Variants in FGF12 observed in about 807,000 individuals in gnomAD.
FGF12 encodes fibroblast growth factor 12B.
FGF12 carries 14 observed loss-of-function variants against 23.6 expected under a neutral mutation model. That is an observed-to-expected ratio of 0.59 (90% CI 0.39 to 0.93). FGF12 has a LOEUF of 0.93. Among genes scored for constraint, FGF12 ranks in the 40% least tolerant of loss-of-function variants. FGF12 has a pLI of 0.00. For synonymous variants in FGF12, 62 were observed against 77.3 expected, an observed-to-expected ratio of 0.80 and a Z score of 1.04; for missense variants, 175 against 217.8, an observed-to-expected ratio of 0.80 and a Z score of 1.24.
intron 2 of FGF12, among the ~76,000 whole-genome samples, chr3:192,506,885 T>C (rs935697624): frequency 4.4e-5 from 6 of 135,370 alleles, no homozygotes; most frequent in Non-Finnish European, 9.5e-5. Flanking sequence ...TCATGGCCAT[T>C]AACTCAGTTT....
At chr3:192,436,943 T>G (rs1018714196) in intron 2 of FGF12, among the ~76,000 whole-genome samples, 10 of 152,136 alleles carry the variant, frequency 6.6e-5, no homozygotes, top group African/African-American at 1.9e-4. Context: ...CGTAAAAAAT[T>G]TCTTGAGTGC....
chr3:192,202,830 AAC>A (rs1717441498), intron 4 of FGF12, among the ~76,000 whole-genome samples: 1 of 152,208 alleles, frequency 6.6e-6, no homozygotes, highest in Admixed American at 6.5e-5. Context: ...AAAGTGCTAT[AAC>A]ACAGTGAGCA....
chr3:192,683,890 C>G (rs1412424975), intron 2 of FGF12, among the ~76,000 whole-genome samples: 1 of 152,136 alleles, frequency 6.6e-6, no homozygotes, highest in African/African-American at 2.4e-5. Context: ...CCTCCATTCC[C>G]TGCGCAATAG....
At chr3:192,363,398 C>T (rs982088164) in intron 2 of FGF12, among the ~76,000 whole-genome samples, 15 of 152,016 alleles carry the variant, frequency 9.9e-5, no homozygotes, top group African/African-American at 3.4e-4. Flanking sequence ...CTGTTGGAGC[C>T]CTGGGAATTC....
chr3:192,522,504 G>T (rs1306297647), intron 2 of FGF12, among the ~76,000 whole-genome samples: 2 of 152,104 alleles, frequency 1.3e-5, no homozygotes, highest in Non-Finnish European at 2.9e-5. Flanking sequence ...ATACATTCTT[G>T]GTAAAAGTAA....
chr3:192,576,517 C>T lies in FGF12; in HGVS notation c.13+150664G>A, dbSNP rs533326819. 2.6e-5 allele frequency among the ~76,000 whole-genome samples: 4 copies of T among 152,218 alleles called. No homozygotes were observed. In the South Asian group the frequency reaches 8.3e-4, roughly 32 times the overall value. ...TGTGACTTAAAGTAAAGAGTAATGT[C>T]TTAGAAAGGTACTGAGGGGAAATCA... On this transcript the variant is annotated intron_variant, in intron 2 of 5. Transcript: ENST00000445105.
chr3:192,370,654 G>A (rs1719187209), intron 2 of FGF12, among the ~76,000 whole-genome samples: 1 of 152,168 alleles, frequency 6.6e-6, no homozygotes, highest in Non-Finnish European at 1.5e-5. Flanking sequence ...TTAAGTCTGG[G>A]GCTAAAATTA....
intron 4 of FGF12, among the ~76,000 whole-genome samples, chr3:192,332,297 T>C (rs1195200613): frequency 6.6e-6 from 1 of 151,500 alleles, no homozygotes; most frequent in African/African-American, 2.4e-5. Context: ...TTAAAAAAAA[T>C]AAGACTAACC....
intron 2 of FGF12, among the ~76,000 whole-genome samples, chr3:192,410,682 T>C (rs73193595): frequency 0.24 from 36,107 of 152,146 alleles, 5,539 homozygotes; most frequent in Non-Finnish European, 0.34. Context: ...TGGTTCTGTC[T>C]GGAAAGCTGC....
intron 4 of FGF12, among the ~76,000 whole-genome samples, chr3:192,296,062 C>CTTTTTTTTTTTTTTTT (rs34021285): frequency 3.8e-5 from 3 of 78,090 alleles, no homozygotes; most frequent in Non-Finnish European, 4.7e-5. Flanking sequence ...GTTTTTCTTT[C>CTTTTTTTTTTTTTTTT]TTTTTTTTTT....
chr3:192,375,845 A>C (rs1044996201), intron 2 of FGF12, among the ~76,000 whole-genome samples: 7 of 152,176 alleles, frequency 4.6e-5, no homozygotes, highest in Non-Finnish European at 7.3e-5. Context: ...TTCTGGAAAA[A>C]AATTTCATCA....
intron 2 of FGF12, among the ~76,000 whole-genome samples, chr3:192,431,506 GACTCTTTTTATACTGTTATTCT>G: frequency 6.6e-6 from 1 of 152,136 alleles, no homozygotes; most frequent in Non-Finnish European, 1.5e-5. Context: ...AAAACCAAGA[GACTCTTTTTATACTGTTATTCT>G]ACTTCCTGTA....
chr3:192,635,812 AAG>A (rs1715559238), intron 2 of FGF12, among the ~76,000 whole-genome samples: 2 of 152,138 alleles, frequency 1.3e-5, no homozygotes, highest in African/African-American at 2.4e-5. Flanking sequence ...TTCTATGGAG[AAG>A]TCTGGATAAG....
At chr3:192,197,547 A>C (rs1475648381) in intron 4 of FGF12, among the ~76,000 whole-genome samples, 1 of 152,134 alleles carries the variant, frequency 6.6e-6, no homozygotes, top group Non-Finnish European at 1.5e-5. Flanking sequence ...CAGTGAAGGG[A>C]AATGTGTTGC....
At chr3:192,377,032 A>G (rs1185438621) in intron 2 of FGF12, among the ~76,000 whole-genome samples, 2 of 152,214 alleles carry the variant, frequency 1.3e-5, no homozygotes, top group Admixed American at 1.3e-4. Context: ...TGGAATTCCA[A>G]CTTAACAAGG....
At chr3:192,189,014 C>G (rs1284237729) in intron 4 of FGF12, among the ~76,000 whole-genome samples, 3 of 152,182 alleles carry the variant, frequency 2.0e-5, no homozygotes, top group Non-Finnish European at 4.4e-5. Flanking sequence ...ACCCAGGCTC[C>G]CCTCCCTACA....
chr3:192,522,723 A>G (rs1041027825), intron 2 of FGF12, among the ~76,000 whole-genome samples: 4 of 152,244 alleles, frequency 2.6e-5, no homozygotes, highest in African/African-American at 4.8e-5. Flanking sequence ...ACTAACTTAC[A>G]TTTTGGTATA....
intron 2 of FGF12, among the ~76,000 whole-genome samples, chr3:192,470,175 T>TA (rs1329764567): frequency 2.6e-5 from 4 of 152,188 alleles, no homozygotes; most frequent in African/African-American, 9.7e-5. Flanking sequence ...GTCTTTAACT[T>TA]AAAAACAATT....
intron 4 of FGF12, among the ~76,000 whole-genome samples, chr3:192,190,318 G>T (rs1483717910): frequency 6.6e-6 from 1 of 151,834 alleles, no homozygotes; most frequent in Non-Finnish European, 1.5e-5. Context: ...CTATTTTAAA[G>T]GGCAAATGAT....
Sources: gnomAD v4.1 joint callset for allele counts (sites outside exome capture counted in the v4.1 genomes callset) on GRCh38, gnomAD v4.1.1 for gene constraint, MANE v1.5 for transcripts, NCBI Gene and HGNC (gene_info 2026-07-23, HGNC 2026-07-21) for gene names.